The following REDIC1 variants were observed in gnomAD, a reference collection of about 807,000 sequenced individuals.
The protein encoded by REDIC1 is regulator of DNA class I crossover intermediates 1, also known as HEI10 Interacting Protein 1.
the REDIC1 span, among the ~76,000 whole-genome samples, chr12:39,632,641 G>A: frequency 1.3e-5 from 2 of 152,024 alleles, no homozygotes; most frequent in South Asian, 2.1e-4. Context: ...AGACAATTTT[G>A]TTATTGTGTA....
the REDIC1 span, among the ~76,000 whole-genome samples, chr12:39,709,702 A>G: frequency 1.3e-4 from 19 of 151,712 alleles, no homozygotes; most frequent in Admixed American, 1.2e-3. Flanking sequence ...ATAGTATTCA[A>G]TTGTACGTGT....
the REDIC1 span, among the ~76,000 whole-genome samples, chr12:39,896,081 T>TGC: frequency 2.1e-4 from 1 of 4,764 alleles, no homozygotes; most frequent in Non-Finnish European, 9.5e-4. Flanking sequence ...TATACACGTG[T>TGC]ACATATATGT....
chr12:39,780,190 T>C, the REDIC1 span, among the ~76,000 whole-genome samples: 1 of 149,870 alleles, frequency 6.7e-6, no homozygotes, highest in African/African-American at 2.4e-5. Flanking sequence ...GCATCATTAT[T>C]CCCATTTTGC....
chr12:39,751,305 A>G, the REDIC1 span, among the ~76,000 whole-genome samples: 1 of 152,234 alleles, frequency 6.6e-6, no homozygotes, highest in African/African-American at 2.4e-5. Context: ...AAAAATGCTC[A>G]TCATCACTGG....
At chr12:39,684,978 A>G in the REDIC1 span, 1 of 1,270,864 alleles carries the variant, frequency 7.9e-7, no homozygotes, top group Non-Finnish European at 1.1e-6. Flanking sequence ...TTGTATTACC[A>G]TATCACATTA....
the REDIC1 span, among the ~76,000 whole-genome samples, chr12:39,644,574 G>T: frequency 1.5e-4 from 23 of 151,864 alleles, no homozygotes; most frequent in African/African-American, 5.3e-4. Flanking sequence ...ATTGATCAGA[G>T]TATTGTTAAT....
the REDIC1 span, among the ~76,000 whole-genome samples, chr12:39,635,144 C>T: frequency 6.6e-6 from 1 of 152,126 alleles, no homozygotes; most frequent in East Asian, 1.9e-4. Context: ...CAGGAGACAA[C>T]AGAGTCTGGG....
At chr12:39,801,355 A>T in the REDIC1 span, among the ~76,000 whole-genome samples, 5 of 142,790 alleles carry the variant, frequency 3.5e-5, no homozygotes, top group African/African-American at 1.0e-4. Context: ...AAAAAAAAAA[A>T]AAAAAGAAAG....
chr12:39,900,432 G>C, the REDIC1 span, among the ~76,000 whole-genome samples: 5 of 152,196 alleles, frequency 3.3e-5, no homozygotes, highest in East Asian at 9.6e-4. Flanking sequence ...CGTATATCTA[G>C]AAAACCCCAT....
At chr12:39,632,206 C>G in the REDIC1 span, among the ~76,000 whole-genome samples, 1 of 152,056 alleles carries the variant, frequency 6.6e-6, no homozygotes, top group African/African-American at 2.4e-5. Context: ...AAGTGATTCT[C>G]CTGCCTCAGC....
the REDIC1 span, among the ~76,000 whole-genome samples, chr12:39,816,935 G>T: frequency 3.9e-5 from 6 of 152,072 alleles, no homozygotes; most frequent in Non-Finnish European, 8.8e-5. Flanking sequence ...TATACACTGG[G>T]TATGCTTTAT....
chr12:39,771,356 C>CTCAT, the REDIC1 span, among the ~76,000 whole-genome samples: 6 of 152,172 alleles, frequency 3.9e-5, no homozygotes, highest in Non-Finnish European at 8.8e-5. Flanking sequence ...GCTGAAGTCT[C>CTCAT]TCATTCCCTT....
the REDIC1 span, among the ~76,000 whole-genome samples, chr12:39,640,759 G>A: frequency 6.6e-6 from 1 of 151,320 alleles, no homozygotes; most frequent in African/African-American, 2.4e-5. Context: ...ATTAGATATT[G>A]GATTTCCTAA....
At chr12:39,848,354 G>C in the REDIC1 span, among the ~76,000 whole-genome samples, 1 of 152,134 alleles carries the variant, frequency 6.6e-6, no homozygotes, top group Non-Finnish European at 1.5e-5. Context: ...CCATTAAAAA[G>C]TGGACAAAGG....
the REDIC1 span, among the ~76,000 whole-genome samples, chr12:39,896,331 T>C: frequency 7.0e-6 from 1 of 143,036 alleles, no homozygotes; most frequent in South Asian, 2.2e-4. Context: ...TATATGTGTA[T>C]ATATGTATAC....
the REDIC1 span, among the ~76,000 whole-genome samples, chr12:39,874,220 A>T: frequency 1.3e-5 from 2 of 152,344 alleles, 1 homozygote; most frequent in South Asian, 4.1e-4. Flanking sequence ...CTGGGAGGGC[A>T]CTGGAGGTCA....
the REDIC1 span, among the ~76,000 whole-genome samples, chr12:39,868,254 T>C: frequency 6.6e-6 from 1 of 152,200 alleles, no homozygotes; most frequent in Admixed American, 6.5e-5. Flanking sequence ...AATACAGTAT[T>C]AGATTTTGGA....
chr12:39,660,110 T>C, the REDIC1 span, among the ~76,000 whole-genome samples: 16 of 152,186 alleles, frequency 1.1e-4, no homozygotes, highest in Non-Finnish European at 2.2e-4. Flanking sequence ...CTCCTGAGAT[T>C]GTTCTATTTT....
chr12:39,792,340 A>G, the REDIC1 span, among the ~76,000 whole-genome samples: 1 of 151,644 alleles, frequency 6.6e-6, no homozygotes, highest in African/African-American at 2.4e-5. Flanking sequence ...CCAAAACACC[A>G]AAAGCAATGG....
Sources: gnomAD v4.1 joint callset for allele counts (sites outside exome capture counted in the v4.1 genomes callset) on GRCh38, gnomAD v4.1.1 for gene constraint, MANE v1.5 for transcripts, NCBI Gene and HGNC (gene_info 2026-07-23, HGNC 2026-07-21) for gene names.